The following HSPA12A variants were observed in gnomAD, a reference collection of about 807,000 sequenced individuals.
The protein encoded by HSPA12A is heat shock protein family A (Hsp70) member 12A, also known as heat shock 70 kDa protein 12A.
Under a neutral mutation model 69.2 loss-of-function variants are expected in HSPA12A, and 28 were observed. That is an observed-to-expected ratio of 0.40 (90% confidence interval 0.30 to 0.55). The LOEUF is 0.55. Ranked by LOEUF, HSPA12A falls within the 20% of genes least tolerant of loss-of-function variation. HSPA12A has a pLI of 0.38. For missense variants in HSPA12A, 686 were observed against 900.7 expected (o/e 0.76, Z 3.05); for synonymous variants, 345 against 370.5 (o/e 0.93, Z 0.79).
At position 116,700,949 on chromosome 10, in the gene HSPA12A, G is replaced by T; in HGVS notation, c.435C>A (p.Thr145=). 6.2e-7 allele frequency: 1 copy of T among 1,613,538 alleles called. No individual in the cohort carries two copies. Among genetic ancestry groups the T allele is most frequent in the East Asian group, 2.2e-5 (1 of 44,822 alleles). Residue 145 remains threonine (T), a synonymous_variant, in exon 4 of 12, where the codon ACC becomes ACA. Coordinates refer to ENST00000369209, the MANE Select transcript of HSPA12A (RefSeq NM_025015.3). ...AGGGGAGAGGCTTGCTCACCCCAGT[G>T]GTGTGCAGCTTCATCTTGAACTTCT... ...YLEKFKMKLH[T]TGDLTMDTDL...
chr10:116,753,318 A>C (rs1843751869), intron 2 of HSPA12A, among the ~76,000 whole-genome samples: 1 of 152,200 alleles, frequency 6.6e-6, no homozygotes, highest in African/African-American at 2.4e-5. Context: ...GGTAAGGACC[A>C]AGAGGACCCT....
At position 116,696,005 on chromosome 10, in the gene HSPA12A, A is replaced by AAAAAAAAAAC. The variant is rs1849890040; in HGVS notation, c.546+2629_546+2630insGTTTTTTTTT. On this transcript the variant is annotated intron_variant, in intron 5 of 11. Coordinates refer to ENST00000369209, the MANE Select transcript of HSPA12A (RefSeq NM_025015.3). ...GCAACAGAGAGAGACTCCATCTCAA[A>AAAAAAAAAAC]AAAAAAAAAAAAAAAAAAGGCTTGC... Among the ~76,000 whole-genome samples the AAAAAAAAAAC allele has an allele frequency of 1.4e-5, 2 of 143,942 alleles. 1 individual carries two copies. The highest frequency in any genetic ancestry group is 5.2e-5 in the African/African-American group (2 of 38,450). 94.4% of individuals were successfully genotyped at this position (143,942 alleles called of 152,430 possible).
intron 2 of HSPA12A, among the ~76,000 whole-genome samples, chr10:116,706,656 C>A (rs1850262291): frequency 1.3e-5 from 2 of 152,184 alleles, no homozygotes; most frequent in Middle Eastern, 3.2e-3. Context: ...TAACATCCAT[C>A]TTTCCTCATA....
At chr10:116,796,672 A>T (rs558026613) in intron 2 of HSPA12A, among the ~76,000 whole-genome samples, 33 of 152,290 alleles carry the variant, frequency 2.2e-4, no homozygotes, top group South Asian at 1.0e-3. Flanking sequence ...TAGCCGCTGC[A>T]GCATCCTAGC....
chr10:116,849,491 G>T, intron 1 of HSPA12A: 1 of 1,424,106 alleles, frequency 7.0e-7, no homozygotes, highest in Non-Finnish European at 9.2e-7. Context: ...TCGGGATCAC[G>T]TTGCGTTGCC....
chr10:116,709,377 G>A (rs1850354504), intron 1 of HSPA12A, among the ~76,000 whole-genome samples: 1 of 151,684 alleles, frequency 6.6e-6, no homozygotes. Context: ...GAACCCAGGA[G>A]GCGGAGGGTG....
At chr10:116,771,683 G>A (rs1302475066) in intron 2 of HSPA12A, among the ~76,000 whole-genome samples, 2 of 152,250 alleles carry the variant, frequency 1.3e-5, no homozygotes, top group African/African-American at 4.8e-5. Context: ...CGGGGTGGAT[G>A]AGAGGCAGTC....
chr10:116,753,809 G>A (rs556363918), intron 2 of HSPA12A, among the ~76,000 whole-genome samples: 94 of 152,276 alleles, frequency 6.2e-4, no homozygotes, highest in Admixed American at 1.4e-3. Context: ...TGGAGTGCTT[G>A]GTCTGGAGTC....
At chr10:116,785,189 T>TCC (rs1554892210) in intron 2 of HSPA12A, among the ~76,000 whole-genome samples, 1 of 152,046 alleles carries the variant, frequency 6.6e-6, no homozygotes, top group African/African-American at 2.4e-5. Flanking sequence ...TCAGATTCCT[T>TCC]TCCTCCCCCT....
intron 1 of HSPA12A, among the ~76,000 whole-genome samples, chr10:116,842,073 T>C (rs1182551388): frequency 1.3e-5 from 2 of 152,240 alleles, no homozygotes; most frequent in East Asian, 1.9e-4. Context: ...TTGATTTTGC[T>C]AATAACAAAC....
Position 116,683,933 on chromosome 10 carries a change from C to A in HSPA12A, c.693G>T (p.Glu231Asp). The A allele has an allele frequency of 6.3e-7, 1 of 1,583,238 alleles. No individual in the cohort carries two copies. The highest frequency in any genetic ancestry group is 1.1e-5 in the South Asian group (1 of 89,280). The change falls in exon 7 of 12, where the codon GAG (glutamate) becomes GAT (aspartate). Residue 231 changes from glutamate to aspartate, a missense_variant. By Grantham distance (45) the Glu-to-Asp change is conservative (BLOSUM62 2). Transcript: ENST00000369209. ...QAGLASPENS[E>D]QLIIALEPEA... ...CAGGCTCCAAGGCAATGATGAGCTG[C>A]TCCGAGTTCTCGGGGGAGGCCAGGC...
chr10:116,714,502 T>G (rs1306633342), intron 1 of HSPA12A, among the ~76,000 whole-genome samples: 2 of 152,170 alleles, frequency 1.3e-5, no homozygotes, highest in African/African-American at 2.4e-5. Context: ...CACTACAGCC[T>G]TGGTCCAGAT....
intron 2 of HSPA12A, among the ~76,000 whole-genome samples, chr10:116,777,824 T>A (rs1192834166): frequency 6.6e-6 from 1 of 152,162 alleles, no homozygotes; most frequent in East Asian, 1.9e-4. Context: ...ACCTCCTGGG[T>A]TCAAGCGATT....
chr10:116,850,204 C>CGAGCCAGTAGGA (rs1236794720), upstream of HSPA12A: 2 of 228,208 alleles, frequency 8.8e-6, no homozygotes, highest in African/African-American at 4.7e-5. Context: ...CCTCATCCTA[C>CGAGCCAGTAGGA]TGGCTCCTCT....
intron 3 of HSPA12A, 133 bp downstream of exon 3, chr10:116,705,018 G>T (rs540050965): frequency 4.8e-4 from 508 of 1,049,828 alleles, no homozygotes; most frequent in Admixed American, 1.3e-3. Flanking sequence ...CCAGTGGCAT[G>T]GTGAGCTTGA....
chr10:116,725,414 G>A (rs1329960096), intron 1 of HSPA12A, among the ~76,000 whole-genome samples: 3 of 152,234 alleles, frequency 2.0e-5, no homozygotes, highest in East Asian at 3.9e-4. Context: ...TTGTTCAGTC[G>A]CCAGATTTGA....
At chr10:116,805,511 A>C (rs187536553) in intron 2 of HSPA12A, among the ~76,000 whole-genome samples, 46 of 152,296 alleles carry the variant, frequency 3.0e-4, no homozygotes, top group Admixed American at 1.1e-3. Flanking sequence ...ACACTACTTA[A>C]AATCACAACA....
chr10:116,679,429 C>T, intron 10 of HSPA12A, 74 bp downstream of exon 10: 1 of 1,569,414 alleles, frequency 6.4e-7, no homozygotes, highest in Non-Finnish European at 8.7e-7. Context: ...GAAGTCCACA[C>T]TTCGCTCCTC....
At chr10:116,733,895 A>G (rs558738774) in intron 1 of HSPA12A, among the ~76,000 whole-genome samples, 1 of 152,308 alleles carries the variant, frequency 6.6e-6, no homozygotes, top group African/African-American at 2.4e-5. Context: ...ACGTAACCCT[A>G]TTGTAAGTCA....
Sources: allele counts gnomAD v4.1 joint callset (sites outside exome capture counted in the v4.1 genomes callset), GRCh38; gene constraint gnomAD v4.1.1; transcripts MANE v1.5; gene names NCBI Gene and HGNC (gene_info 2026-07-23, HGNC 2026-07-21).